Variants in PTPRE observed in about 807,000 individuals in gnomAD.
The protein encoded by PTPRE is protein tyrosine phosphatase receptor type E, also known as receptor-type tyrosine-protein phosphatase epsilon.
Under a neutral mutation model 102.0 loss-of-function variants are expected in PTPRE, and 51 were observed. That is an observed-to-expected ratio of 0.50 (90% CI 0.40 to 0.63). The LOEUF is 0.63. Among genes scored for constraint, PTPRE ranks in the 30% least tolerant of loss-of-function variants. The probability of loss-of-function intolerance (pLI) is 0.00; values close to 1 mark genes in which losing one functional copy is unlikely to be tolerated. For synonymous variants in PTPRE, 345 were observed against 348.2 expected, an observed-to-expected ratio of 0.99 and a Z score of 0.10; for missense variants, 752 against 915.1, an observed-to-expected ratio of 0.82 and a Z score of 2.30.
At chr10:128,078,989 G>T (rs1454398517) in intron 19 of PTPRE, among the ~76,000 whole-genome samples, 2 of 152,310 alleles carry the variant, frequency 1.3e-5, no homozygotes, top group African/African-American at 4.8e-5. Context: ...CTGCTCTTGT[G>T]GGGTTTATCA....
At chr10:127,996,119 A>T (rs771817930) in intron 2 of PTPRE, among the ~76,000 whole-genome samples, 4 of 152,192 alleles carry the variant, frequency 2.6e-5, no homozygotes, top group Non-Finnish European at 5.9e-5. Flanking sequence ...TGTTATTCCC[A>T]GTGTGGACGT....
rs1330941282 is a variant in PTPRE at position 127,944,102 on chromosome 10, C to T, written c.-31+36793C>T. On this transcript the variant is annotated intron_variant, in intron 1 of 20. Transcript: ENST00000254667. This position sits in a 1 kb window ranked among gnomAD's most constrained non-coding sequence, Gnocchi z 4.2. Reference sequence around the variant, plus strand: ...CAGCCAATGGCCAAGCTTTGACTTTCGGCCAGGGTGGAGAGTGGCAGCAAA... The same window carrying T: ...CAGCCAATGGCCAAGCTTTGACTTTTGGCCAGGGTGGAGAGTGGCAGCAAA... 2.0e-5 allele frequency among the ~76,000 whole-genome samples: 3 copies of T among 152,170 alleles called. No homozygotes were observed. The highest frequency in any genetic ancestry group is 6.5e-5 in the Admixed American group (1 of 15,274).
chr10:128,079,582 A>G lies in PTPRE; in HGVS notation c.1915A>G (p.Thr639Ala), dbSNP rs1190286306. 1.9e-6 allele frequency: 3 copies of G among 1,614,176 alleles called. No homozygotes were observed. Among genetic ancestry groups the G allele is most frequent in the East Asian group, 2.2e-5 (1 of 44,878 alleles). ...HCSAGAGRTG[T>A]FIALSNILER... ...CAGTGCCGGAGCTGGGCGAACAGGT[A>G]CATTCATAGCCCTCAGCAACATTTT... Residue 639 changes from threonine (T) to alanine (A), a missense_variant, in exon 20 of 21, where the codon ACA (threonine) becomes GCA (alanine). This residue lies in a region of PTPRE where 636 missense variants were observed against 824.4 expected (regional missense o/e 0.77). Transcript: ENST00000254667.
At chr10:128,012,170 T>C (rs1845073833) in intron 2 of PTPRE, among the ~76,000 whole-genome samples, 2 of 151,922 alleles carry the variant, frequency 1.3e-5, no homozygotes, top group African/African-American at 4.8e-5. Context: ...GACAAGATTG[T>C]GAGCCCAGGT....
intron 13 of PTPRE, 105 bp downstream of exon 13, chr10:128,069,932 C>G: frequency 2.6e-6 from 4 of 1,560,996 alleles, no homozygotes; most frequent in Non-Finnish European, 3.5e-6. Context: ...ACGTGGCAAC[C>G]AGCCTGGGCC....
At chr10:127,934,054 A>T (rs1269102307) in intron 1 of PTPRE, 1 of 118,758 alleles carries the variant, frequency 8.4e-6, no homozygotes, top group Non-Finnish European at 1.6e-5. Flanking sequence ...ACACACACAC[A>T]CAACTGGTGA....
Position 128,077,765 on chromosome 10 carries a change from C to T in PTPRE, c.1874C>T (p.Pro625Leu), listed in dbSNP as rs773837312. 6.2e-7 allele frequency: 1 copy of T among 1,604,086 alleles called. No homozygotes were observed. The highest frequency in any genetic ancestry group is 8.5e-7 in the Non-Finnish European group (1 of 1,171,870). Reference sequence around the variant, plus strand: ...CAGCAGCAGCAGACAGGCAACCACCCCATCACCGTGCACTGCAGGTGAGCC... The same window carrying T: ...CAGCAGCAGCAGACAGGCAACCACCTCATCACCGTGCACTGCAGGTGAGCC... Reference protein sequence around the residue: ...QKQQQQTGNHPITVHCSAGAG... With the variant: ...QKQQQQTGNHLITVHCSAGAG... Residue 625 changes from proline (P) to leucine (L), a missense_variant, in exon 19 of 21, where the codon CCC becomes CTC. Around this residue, in one of 2 missense-constraint regions of PTPRE, gnomAD observed 636 missense variants for 824.4 expected, o/e 0.77. Coordinates refer to ENST00000254667, the MANE Select transcript of PTPRE (RefSeq NM_006504.6).
chr10:127,964,271 G>A (rs1249632819), intron 1 of PTPRE, among the ~76,000 whole-genome samples: 1 of 152,128 alleles, frequency 6.6e-6, no homozygotes, highest in African/African-American at 2.4e-5. Context: ...CCGGGTTCCA[G>A]CAATTCTCCT....
intron 2 of PTPRE, among the ~76,000 whole-genome samples, chr10:127,985,088 G>A (rs1468120323): frequency 2.0e-5 from 3 of 152,222 alleles, no homozygotes; most frequent in Admixed American, 2.0e-4. Flanking sequence ...TCCACCTTGG[G>A]CAGGGCGGCT....
At chr10:127,948,125 T>C (rs896288232) in intron 1 of PTPRE, among the ~76,000 whole-genome samples, 2 of 152,186 alleles carry the variant, frequency 1.3e-5, no homozygotes, top group African/African-American at 4.8e-5. Context: ...GGCCACTCCG[T>C]TGGCCCCCAG....
intron 1 of PTPRE, chr10:127,936,170 C>G (rs1489558313): frequency 6.6e-6 from 1 of 152,162 alleles, no homozygotes; most frequent in Non-Finnish European, 1.5e-5. Flanking sequence ...GTAAGATATC[C>G]CAGGGGTTGA....
chr10:127,927,592 C>A (rs757784444), intron 1 of PTPRE, among the ~76,000 whole-genome samples: 5 of 152,210 alleles, frequency 3.3e-5, no homozygotes, highest in Admixed American at 2.6e-4. Context: ...GGCATCTCTG[C>A]AGACCTGAAC....
chr10:127,997,653 A>G (rs1366910480), intron 2 of PTPRE, among the ~76,000 whole-genome samples: 2 of 152,236 alleles, frequency 1.3e-5, no homozygotes, highest in African/African-American at 4.8e-5. Context: ...GAAAGGAGAT[A>G]TACAAATAGG....
intron 5 of PTPRE, 38 bp from the exon 6 acceptor site, chr10:128,049,492 G>A (rs1298564609): frequency 6.2e-7 from 1 of 1,610,198 alleles, no homozygotes; most frequent in Non-Finnish European, 8.5e-7. Context: ...ATCCAGGAAT[G>A]TGGCTAAATG....
chr10:127,993,694 G>A (rs540329723), intron 2 of PTPRE, among the ~76,000 whole-genome samples: 22 of 152,230 alleles, frequency 1.4e-4, no homozygotes, highest in Admixed American at 4.6e-4. Context: ...CTTAAAACCC[G>A]GGGTCACTCG....
chr10:127,993,932 G>A (rs565004090), intron 2 of PTPRE, among the ~76,000 whole-genome samples: 132 of 152,224 alleles, frequency 8.7e-4, no homozygotes, highest in African/African-American at 2.5e-3. Context: ...GTTGCTGGTC[G>A]GGGCAGGAAG....
intron 1 of PTPRE, among the ~76,000 whole-genome samples, chr10:127,957,354 C>T (rs1163419703): frequency 1.3e-5 from 2 of 152,118 alleles, no homozygotes; most frequent in Admixed American, 1.3e-4. Flanking sequence ...TTTGTATTGC[C>T]TTCACTCCTT....
At position 127,996,740 on chromosome 10, in the gene PTPRE, G is replaced by A. The variant is rs369845753; in HGVS notation, c.-8+14444G>A. Among the ~76,000 whole-genome samples the A allele has an allele frequency of 3.9e-5, 6 of 152,320 alleles. No homozygotes were observed. In the East Asian group the frequency reaches 5.8e-4, roughly 15 times the overall value. ...CTGGATCCAGGCACACGCAGGCTCC[G>A]AGTTCACAGAAGCAGGGCCATCATG... On this transcript the variant is annotated intron_variant, in intron 2 of 20. Coordinates refer to ENST00000254667, the MANE Select transcript of PTPRE (RefSeq NM_006504.6).
chr10:128,024,183 C>T (rs114943839), intron 2 of PTPRE, among the ~76,000 whole-genome samples: 1,631 of 152,318 alleles, frequency 0.011, 38 homozygotes, highest in African/African-American at 0.037. Flanking sequence ...CTTTAAGGCT[C>T]TCAAGGGCTT....
Sources: gnomAD v4.1 joint callset for allele counts (sites outside exome capture counted in the v4.1 genomes callset) on GRCh38, gnomAD v4.1.1 for gene constraint, gnomAD v4.1.1 regional missense constraint, Gnocchi (gnomAD v3.1) non-coding constraint, MANE v1.5 for transcripts, NCBI Gene and HGNC (gene_info 2026-07-23, HGNC 2026-07-21) for gene names.